The following PCDHGA10 variants were observed in gnomAD, a reference collection of about 807,000 sequenced individuals.
PCDHGA10 encodes protocadherin gamma subfamily A, 10.
PCDHGA10 carries 42 observed loss-of-function variants against 59.5 expected under a neutral mutation model. The ratio of observed to expected loss-of-function variants is 0.71; its 90% confidence interval spans 0.55 to 0.91. The LOEUF is 0.91. PCDHGA10 is among the 40% of genes least tolerant of loss of function. The pLI is 0.00. For synonymous variants in PCDHGA10, 511 were observed against 517.2 expected, an observed-to-expected ratio of 0.99 and a Z score of 0.16; for missense variants, 1,111 against 1,198.2, an observed-to-expected ratio of 0.93 and a Z score of 1.07.
In PCDHGA10 at chr5:141,415,753, T is replaced by G. The variant is rs763784703; in HGVS notation, c.2436+142T>G. On this transcript the variant is annotated intron_variant, in intron 1 of 3. Transcript: ENST00000398610. The stretch of plus-strand genomic sequence containing the variant: ...ATGTTTATTAAGGTTTTTTTTTTTT[T>G]TTTTTTTTTTTTTTTTTTTACTTTC... 6.3e-5 allele frequency: 87 copies of G among 1,381,374 alleles called. 1 individual carries two copies. The highest frequency in any genetic ancestry group is 3.3e-4 in the Admixed American group (10 of 29,906). 85.6% of individuals were successfully genotyped at this position (1,381,374 alleles called of 1,614,324 possible).
chr5:141,472,556 T>A (rs2099287889), intron 1 of PCDHGA10, among the ~76,000 whole-genome samples: 1 of 151,628 alleles, frequency 6.6e-6, no homozygotes, highest in South Asian at 2.1e-4. Flanking sequence ...AAAAAAATTA[T>A]ATTATAAATG....
chr5:141,490,143 A>G lies in PCDHGA10; in HGVS notation c.2437-4664A>G. On this transcript the variant is annotated intron_variant, in intron 1 of 3. Transcript: ENST00000398610. The surrounding 1 kb of genome is among the most constrained non-coding windows in gnomAD (Gnocchi z 5.4). ...TTGGCCTAGACCCTAGCAGTGGGGC[A>G]ATCCATGTGTTGGGTCCCATAGACT... is the stretch of plus-strand genomic sequence containing the variant. 1 of 1,614,234 alleles carries G rather than the reference A, an allele frequency of 6.2e-7. No homozygotes were observed. The highest frequency in any genetic ancestry group is 8.5e-7 in the Non-Finnish European group (1 of 1,180,034).
intron 1 of PCDHGA10, among the ~76,000 whole-genome samples, chr5:141,447,135 G>GT (rs905717632): frequency 9.9e-5 from 15 of 151,698 alleles, no homozygotes; most frequent in African/African-American, 3.4e-4. Flanking sequence ...TTGTTTGTTT[G>GT]TTTTTTGTTT....
chr5:141,422,913 G>T, intron 1 of PCDHGA10: 1 of 1,614,248 alleles, frequency 6.2e-7, no homozygotes, highest in Non-Finnish European at 8.5e-7. Context: ...ATGCGCCCGA[G>T]ATCCTGTACC....
chr5:141,426,879 G>T, intron 1 of PCDHGA10: 1 of 456,710 alleles, frequency 2.2e-6, no homozygotes. Flanking sequence ...GAAGCCCCTG[G>T]GCCAGGAGCA....
chr5:141,413,058 C>G lies in PCDHGA10; in HGVS notation c.-118C>G, dbSNP rs2095601249. ...TGCTGGGCTGCAGGGAAGCTCACTC[C>G]AGAATTTAAAGTGCCCAGGCTACAG... On this transcript the variant is annotated 5_prime_UTR_variant, in exon 1 of 4. Coordinates refer to ENST00000398610, the MANE Select transcript of PCDHGA10 (RefSeq NM_018913.3). 9.3e-7 allele frequency: 1 copy of G among 1,073,304 alleles called. No individual in the cohort carries two copies. Among genetic ancestry groups the G allele is most frequent in the Non-Finnish European group, 1.3e-6 (1 of 762,860 alleles). 66.5% of individuals were successfully genotyped at this position (1,073,304 alleles called of 1,614,324 possible). A position where few individuals can be genotyped will look rare whatever the true frequency, so the allele number is the denominator to read the frequency against.
chr5:141,509,810 G>T (rs1272295976), intron 3 of PCDHGA10, among the ~76,000 whole-genome samples: 1 of 152,154 alleles, frequency 6.6e-6, no homozygotes, highest in East Asian at 1.9e-4. Flanking sequence ...ATAGAGCCGA[G>T]CTCTTCTCCA....
chr5:141,464,328 C>T (rs2099081878), intron 1 of PCDHGA10, among the ~76,000 whole-genome samples: 1 of 150,722 alleles, frequency 6.6e-6, no homozygotes, highest in Admixed American at 6.6e-5. Context: ...CTGTTCAACC[C>T]ATCTATGACT....
chr5:141,441,179 C>G (rs150511376), intron 1 of PCDHGA10: 13 of 152,210 alleles, frequency 8.5e-5, no homozygotes, highest in South Asian at 2.1e-4. Context: ...ACTTCTAATT[C>G]CACAATGATT....
chr5:141,506,666 C>A (rs894880559), intron 3 of PCDHGA10, among the ~76,000 whole-genome samples: 2 of 152,120 alleles, frequency 1.3e-5, no homozygotes, highest in South Asian at 4.1e-4. Context: ...AGAGTAAGGG[C>A]ACAATATATT....
intron 1 of PCDHGA10, chr5:141,423,757 G>A: frequency 5.1e-6 from 2 of 395,134 alleles, no homozygotes; most frequent in Non-Finnish European, 7.1e-6. Flanking sequence ...GTTTGGGGGG[G>A]GGGTGGGGCG....
intron 1 of PCDHGA10, among the ~76,000 whole-genome samples, chr5:141,459,249 A>G (rs901058693): frequency 6.6e-6 from 1 of 152,218 alleles, no homozygotes; most frequent in Non-Finnish European, 1.5e-5. Flanking sequence ...TCCTGTCACT[A>G]TAAATTAGTG....
intron 1 of PCDHGA10, among the ~76,000 whole-genome samples, chr5:141,447,787 T>C (rs1025269338): frequency 1.3e-5 from 2 of 152,106 alleles, no homozygotes; most frequent in Non-Finnish European, 2.9e-5. Context: ...TGAAAATAAA[T>C]TTAAGAAAAT....
At chr5:141,454,977 T>C (rs1357011192) in intron 1 of PCDHGA10, among the ~76,000 whole-genome samples, 6 of 151,508 alleles carry the variant, frequency 4.0e-5, no homozygotes, top group Non-Finnish European at 8.8e-5. Context: ...CTGGCTAATT[T>C]TTTAAAAAAT....
chr5:141,491,072 C>T lies in PCDHGA10; in HGVS notation c.2437-3735C>T, dbSNP rs778221466. The T allele has an allele frequency of 6.2e-7, 1 of 1,614,204 alleles. No individual in the cohort carries two copies. Among genetic ancestry groups the T allele is most frequent in the South Asian group, 1.1e-5 (1 of 91,086 alleles). On this transcript the variant is annotated intron_variant, in intron 1 of 3. Coordinates refer to ENST00000398610, the MANE Select transcript of PCDHGA10 (RefSeq NM_018913.3). The surrounding 1 kb of genome is among the most constrained non-coding windows in gnomAD (Gnocchi z 6.9). ...GCGTGGCTCTCCTACTCACTGTTGCCACAGTCCACAGCCCCAGGACTGTTC... is the reference window on the plus strand; with the variant it reads ...GCGTGGCTCTCCTACTCACTGTTGCTACAGTCCACAGCCCCAGGACTGTTC...
intron 2 of PCDHGA10, among the ~76,000 whole-genome samples, chr5:141,500,942 C>T (rs937418207): frequency 2.0e-5 from 3 of 151,926 alleles, no homozygotes; most frequent in Non-Finnish European, 4.4e-5. Context: ...CATCTCGGCT[C>T]ACTGCAAGCT....
chr5:141,489,178 C>T lies in PCDHGA10; in HGVS notation c.2437-5629C>T, dbSNP rs909255357. ...GAGACTTCAGCTGCTGCATTCCAAG[C>T]CCTGGGTCTACCTTGGAGACAGGAC... On this transcript the variant is annotated intron_variant, in intron 1 of 3. Transcript: ENST00000398610. This position sits in a 1 kb window ranked among gnomAD's most constrained non-coding sequence, Gnocchi z 4.5. 54 of 1,234,872 alleles carry T rather than the reference C, an allele frequency of 4.4e-5. 1 individual carries two copies. In the East Asian group the frequency reaches 1.2e-3, roughly 29 times the overall value. 76.5% of individuals were successfully genotyped at this position (1,234,872 alleles called of 1,614,324 possible). A position where few individuals can be genotyped will look rare whatever the true frequency, so the allele number is the denominator to read the frequency against.
rs1591227595 is a variant in PCDHGA10 at position 141,432,858 on chromosome 5, T to C, written c.2436+17247T>C. ...TACCTGGTGGTAGCGGTGGCCGCGG[T>C]CTCCTGCGTCTTCCTGGCCTTCGTC... On this transcript the variant is annotated intron_variant, in intron 1 of 3. Coordinates refer to ENST00000398610, the MANE Select transcript of PCDHGA10 (RefSeq NM_018913.3). This position sits in a 1 kb window ranked among gnomAD's most constrained non-coding sequence, Gnocchi z 6.0. The C allele has an allele frequency of 1.2e-6, 2 of 1,614,140 alleles. No individual in the cohort carries two copies. Among genetic ancestry groups the C allele is most frequent in the Non-Finnish European group, 8.5e-7 (1 of 1,179,996 alleles).
chr5:141,421,597 AT>A (rs2096587022), intron 1 of PCDHGA10: 1 of 1,613,878 alleles, frequency 6.2e-7, no homozygotes, highest in Non-Finnish European at 8.5e-7. Flanking sequence ...GGAGGTGGAA[AT>A]AATAGATATT....
Sources: allele counts gnomAD v4.1 joint callset (sites outside exome capture counted in the v4.1 genomes callset), GRCh38; gene constraint gnomAD v4.1.1; non-coding constraint Gnocchi (gnomAD v3.1); transcripts MANE v1.5; gene names NCBI Gene and HGNC (gene_info 2026-07-23, HGNC 2026-07-21).